ADGRL4: variants seen among roughly 807,000 people sequenced by gnomAD.
The protein encoded by ADGRL4 is adhesion G protein-coupled receptor L4, also known as EGF, latrophilin and seven transmembrane domain containing 1.
ADGRL4 carries 90 observed loss-of-function variants against 74.8 expected under a neutral mutation model. The observed-to-expected ratio is 1.20, with a 90% CI of 1.02 to 1.43. The LOEUF (loss-of-function observed/expected upper bound fraction) is 1.43. Ranked by LOEUF, ADGRL4 falls within the 40% of genes most tolerant of loss-of-function variation. The pLI is 0.00. For synonymous variants in ADGRL4, 311 were observed against 279.2 expected (o/e 1.11, Z -1.14); for missense variants, 881 against 814.3 (o/e 1.08, Z -1.00).
intron 2 of ADGRL4, among the ~76,000 whole-genome samples, chr1:78,994,815 T>G (rs1025610034): frequency 5.3e-5 from 8 of 152,160 alleles, no homozygotes; most frequent in African/African-American, 1.9e-4. Context: ...TTGAGCCTGG[T>G]GCAAAATTAT....
At chr1:78,894,818 G>A (rs1032145973) in intron 12 of ADGRL4, among the ~76,000 whole-genome samples, 3 of 151,824 alleles carry the variant, frequency 2.0e-5, no homozygotes, top group Admixed American at 6.6e-5. Context: ...AGTAAATGAC[G>A]AGAAAAGCTG....
chr1:78,960,653 C>T (rs1021276942), intron 2 of ADGRL4, among the ~76,000 whole-genome samples: 5 of 152,010 alleles, frequency 3.3e-5, no homozygotes, highest in African/African-American at 1.2e-4. Flanking sequence ...TGTGTTTTCC[C>T]ACCCCCAAAT....
intron 2 of ADGRL4, among the ~76,000 whole-genome samples, chr1:78,984,267 A>G (rs988167087): frequency 4.0e-5 from 6 of 151,828 alleles, no homozygotes; most frequent in African/African-American, 7.2e-5. Context: ...CTATAAAACT[A>G]ATTAATATTG....
At chr1:78,959,855 C>T (rs1465811446) in intron 2 of ADGRL4, among the ~76,000 whole-genome samples, 1 of 152,216 alleles carries the variant, frequency 6.6e-6, no homozygotes, top group East Asian at 1.9e-4. Context: ...TTCCCATGAA[C>T]CTTCTTGATA....
At chr1:78,992,215 T>C (rs569579586) in intron 2 of ADGRL4, among the ~76,000 whole-genome samples, 2 of 152,030 alleles carry the variant, frequency 1.3e-5, no homozygotes, top group Non-Finnish European at 2.9e-5. Context: ...TTAAAATAAG[T>C]ACAAAGTTTG....
chr1:79,001,003 A>G (rs1261398101), intron 2 of ADGRL4, among the ~76,000 whole-genome samples: 3 of 152,096 alleles, frequency 2.0e-5, no homozygotes, highest in Non-Finnish European at 2.9e-5. Context: ...CATACATATA[A>G]TATTCGTGAG....
At position 78,937,661 on chromosome 1, in the gene ADGRL4, C is replaced by A; in HGVS notation, c.760+146G>T. On this transcript the variant is annotated intron_variant, in intron 6 of 14. Coordinates refer to ENST00000370742, the MANE Select transcript of ADGRL4 (RefSeq NM_022159.4). ...TTATTCACAATGCTTTTGCAATATGCATCACCATTCATTTGTACACTGATA... is the reference window on the plus strand; with the variant it reads ...TTATTCACAATGCTTTTGCAATATGAATCACCATTCATTTGTACACTGATA... The A allele has an allele frequency of 4.5e-6, 3 of 672,332 alleles. 1 individual carries two copies. The South Asian group carries it at 5.8e-5, about 13-fold the overall frequency. The allele number at this position is 672,332 out of a possible 1,614,324, so 41.6% of individuals were successfully genotyped here.
At position 79,005,171 on chromosome 1, in the gene ADGRL4, T is replaced by A. The variant is rs1650932755; in HGVS notation, c.71A>T (p.Lys24Met). 6.2e-7 allele frequency: 1 copy of A among 1,613,606 alleles called. No homozygotes were observed. The highest frequency in any genetic ancestry group is 1.3e-5 in the African/African-American group (1 of 74,912). ...LNCSYTQNCT[K>M]TPCLPNAKCE... ...TTTTGCATTTGGGAGACAAGGTGTC[T>A]TGGTGCAATTTTGAGTATAGGAACA... The change falls in exon 2 of 15, where the codon AAG becomes ATG. Residue 24 changes from lysine to methionine, a missense_variant. Physicochemically the swap from Lys to Met is moderately conservative, Grantham distance 95. Coordinates refer to ENST00000370742, the MANE Select transcript of ADGRL4 (RefSeq NM_022159.4).
At chr1:78,932,627 A>AAAAAC (rs142248200) in intron 7 of ADGRL4, among the ~76,000 whole-genome samples, 1 of 138,670 alleles carries the variant, frequency 7.2e-6, no homozygotes, top group Non-Finnish European at 1.5e-5. Flanking sequence ...AAAAAAAAAA[A>AAAAAC]CAATGAATCC....
intron 2 of ADGRL4, among the ~76,000 whole-genome samples, chr1:78,997,256 G>C (rs1402080493): frequency 1.3e-5 from 2 of 152,142 alleles, no homozygotes; most frequent in Non-Finnish European, 2.9e-5. Context: ...GACTAATGCT[G>C]TCCTGGTGTA....
chr1:79,004,143 T>C (rs1293311786), intron 2 of ADGRL4, among the ~76,000 whole-genome samples: 2 of 152,112 alleles, frequency 1.3e-5, no homozygotes, highest in East Asian at 3.8e-4. Context: ...ATATACAATA[T>C]CCTGGCTTAA....
chr1:78,961,215 G>A (rs540524995), intron 2 of ADGRL4, among the ~76,000 whole-genome samples: 37 of 152,032 alleles, frequency 2.4e-4, no homozygotes, highest in African/African-American at 8.7e-4. Flanking sequence ...CCCAGTAGCT[G>A]GGTGCCAACC....
intron 12 of ADGRL4, among the ~76,000 whole-genome samples, chr1:78,893,993 A>G (rs1163593577): frequency 6.6e-6 from 1 of 151,890 alleles, no homozygotes; most frequent in African/African-American, 2.4e-5. Context: ...ATAGTCTAAT[A>G]TGAGCATGCC....
rs185533074 is a variant in ADGRL4 at position 78,893,397 on chromosome 1, C to T, written c.1750-208G>A. On this transcript the variant is annotated intron_variant, in intron 12 of 14. Transcript: ENST00000370742. ...ACTTCTTCAGATGTTATCATCATAC[C>T]TAAAGATTGATGAGTATCATCTGCT... 9.5e-4 allele frequency among the ~76,000 whole-genome samples: 144 copies of T among 151,866 alleles called. 1 individual carries two copies. The highest frequency in any genetic ancestry group is 3.4e-3 in the African/African-American group (139 of 41,472).
chr1:78,934,047 C>G (rs1328954156), intron 7 of ADGRL4, among the ~76,000 whole-genome samples: 1 of 152,076 alleles, frequency 6.6e-6, no homozygotes, highest in Admixed American at 6.6e-5. Flanking sequence ...CTACCATTGA[C>G]TATTTCACAG....
At chr1:79,005,854 CA>C (rs1650951394) in intron 1 of ADGRL4, among the ~76,000 whole-genome samples, 1 of 149,518 alleles carries the variant, frequency 6.7e-6, no homozygotes, top group African/African-American at 2.5e-5. Context: ...AAAAACAAAA[CA>C]AAAACAAAAA....
chr1:78,920,633 ATAGTAT>A (rs1258396276), intron 9 of ADGRL4, among the ~76,000 whole-genome samples: 3 of 151,842 alleles, frequency 2.0e-5, no homozygotes, highest in African/African-American at 7.2e-5. Flanking sequence ...TTTTCTAGGC[ATAGTAT>A]TAGTATTAGT....
chr1:78,943,931 T>C lies in ADGRL4; in HGVS notation c.325+2343A>G, dbSNP rs534272334. 9.2e-5 allele frequency among the ~76,000 whole-genome samples: 14 copies of C among 152,290 alleles called. No homozygotes were observed. In the East Asian group the frequency reaches 2.1e-3, roughly 23 times the overall value. ...TAATAAGGTTAGTGCCTTTACTGAC[T>C]ACTTAAAATAGCTAAAAATGGAATT... On this transcript the variant is annotated intron_variant, in intron 3 of 14. Transcript: ENST00000370742.
chr1:79,001,403 T>G (rs1057471035), intron 2 of ADGRL4, among the ~76,000 whole-genome samples: 7 of 150,910 alleles, frequency 4.6e-5, no homozygotes, highest in African/African-American at 1.7e-4. Context: ...AACAAATATT[T>G]TTAAAATGCT....
Sources: allele counts gnomAD v4.1 joint callset (sites outside exome capture counted in the v4.1 genomes callset), GRCh38; gene constraint gnomAD v4.1.1; transcripts MANE v1.5; gene names NCBI Gene and HGNC (gene_info 2026-07-23, HGNC 2026-07-21).